The following CPA6 variants were observed in gnomAD, a reference collection of about 807,000 sequenced individuals.
CPA6 encodes carboxypeptidase A6.
In CPA6, 58 loss-of-function variants were observed where a neutral mutation model predicts 63.3. The observed-to-expected ratio is 0.92, with a 90% CI of 0.74 to 1.14. The LOEUF is 1.14. Among genes scored for constraint, CPA6 ranks in the 50% most tolerant of loss-of-function variants. CPA6 has a pLI of 0.00. For missense variants in CPA6, 565 were observed against 526.6 expected, an observed-to-expected ratio of 1.07 and a Z score of -0.71; for synonymous variants, 185 against 179.0, an observed-to-expected ratio of 1.03 and a Z score of -0.27.
At chr8:67,717,941 T>C (rs1817413678) in intron 1 of CPA6, among the ~76,000 whole-genome samples, 1 of 152,176 alleles carries the variant, frequency 6.6e-6, no homozygotes, top group South Asian at 2.1e-4. Context: ...TGTTGACACC[T>C]TGATTCTAGT....
chr8:67,430,165 GTGTGTGTATA>G (rs1160412277), intron 9 of CPA6, among the ~76,000 whole-genome samples: 1 of 138,560 alleles, frequency 7.2e-6, no homozygotes, highest in African/African-American at 3.1e-5. Flanking sequence ...GTGTGTGTGT[GTGTGTGTATA>G]TATTTTGTTT....
At chr8:67,601,109 A>G (rs1814486044) in intron 2 of CPA6, among the ~76,000 whole-genome samples, 1 of 152,220 alleles carries the variant, frequency 6.6e-6, no homozygotes, top group African/African-American at 2.4e-5. Flanking sequence ...CTCATTTGTA[A>G]TATCAGATGT....
intron 1 of CPA6, among the ~76,000 whole-genome samples, chr8:67,665,814 C>A (rs533317671): frequency 6.6e-6 from 1 of 152,316 alleles, no homozygotes; most frequent in East Asian, 1.9e-4. Context: ...CACTGACAAG[C>A]TACTTAACCT....
At chr8:67,463,477 G>GATAA (rs1446520597) in intron 8 of CPA6, among the ~76,000 whole-genome samples, 2 of 129,488 alleles carry the variant, frequency 1.5e-5, no homozygotes, top group Non-Finnish European at 3.0e-5. Flanking sequence ...TAAATAAATA[G>GATAA]ATAAATAAAA....
rs1249261686 is a variant in CPA6, at chr8:67,518,044, C to A, written c.196G>T (p.Asp66Tyr). Reference protein sequence around the residue: ...LKKISYQLKVDLWQPSSISYV... With the variant: ...LKKISYQLKVYLWQPSSISYV... ...GAGATACTGCTGGGCTGCCACAGGT[C>A]CACCTGTAGTGCAGGAACCAACCTA... The change falls in exon 3 of 11, where the codon GAC becomes TAC. Residue 66 changes from aspartate (D) to tyrosine (Y), a missense_variant. Physicochemically the swap from Asp to Tyr is radical, Grantham distance 160. Coordinates refer to ENST00000297770, the MANE Select transcript of CPA6 (RefSeq NM_020361.5). The A allele has an allele frequency of 1.9e-6, 3 of 1,591,136 alleles. No individual in the cohort carries two copies. The highest frequency in any genetic ancestry group is 2.6e-6 in the Non-Finnish European group (3 of 1,171,076).
intron 1 of CPA6, among the ~76,000 whole-genome samples, chr8:67,660,721 C>A (rs1816090816): frequency 6.6e-6 from 1 of 151,956 alleles, no homozygotes; most frequent in South Asian, 2.1e-4. Context: ...TGCCAAGCAG[C>A]CTTTGGTATT....
At chr8:67,662,634 C>T (rs931502059) in intron 1 of CPA6, among the ~76,000 whole-genome samples, 3 of 150,200 alleles carry the variant, frequency 2.0e-5, no homozygotes, top group Non-Finnish European at 4.4e-5. Flanking sequence ...AGAATACATA[C>T]ACACATGTAT....
At chr8:67,573,709 G>C (rs570784405) in intron 2 of CPA6, among the ~76,000 whole-genome samples, 1 of 151,578 alleles carries the variant, frequency 6.6e-6, no homozygotes, top group Non-Finnish European at 1.5e-5. Flanking sequence ...TGGCTAACAC[G>C]GTGAAACCCT....
intron 8 of CPA6, among the ~76,000 whole-genome samples, chr8:67,448,656 G>GAAAAAAAAAAAAAAAAAAAA (rs1810485855): frequency 5.8e-5 from 4 of 68,798 alleles, no homozygotes; most frequent in African/African-American, 2.7e-4. Context: ...AAAAAAAAAG[G>GAAAAAAAAAAAAAAAAAAAA]AAAGAACGAA....
chr8:67,433,968 A>G (rs1434408384), intron 9 of CPA6, 70 bp downstream of exon 9: 9 of 1,032,798 alleles, frequency 8.7e-6, no homozygotes, highest in Non-Finnish European at 1.1e-5. Context: ...TATCATTAGT[A>G]CTTAGAACCA....
At chr8:67,475,866 T>TCTC (rs1563967844) in intron 8 of CPA6, among the ~76,000 whole-genome samples, 25 of 97,718 alleles carry the variant, frequency 2.6e-4, no homozygotes, top group South Asian at 7.2e-4. Context: ...TTTCTTTCTT[T>TCTC]CTTTCTTTCT....
intron 1 of CPA6, among the ~76,000 whole-genome samples, chr8:67,684,024 TATATATA>T (rs1176798671): frequency 7.2e-6 from 1 of 138,602 alleles, no homozygotes; most frequent in African/African-American, 2.8e-5. Flanking sequence ...TATATATATA[TATATATA>T]ATTTTTATTT....
At chr8:67,546,233 A>AT (rs1491552581) in intron 2 of CPA6, among the ~76,000 whole-genome samples, 1 of 152,222 alleles carries the variant, frequency 6.6e-6, no homozygotes, top group African/African-American at 2.4e-5. Flanking sequence ...GCCCCAGGCA[A>AT]TTGTAGGAAC....
intron 2 of CPA6, among the ~76,000 whole-genome samples, chr8:67,622,298 C>G (rs778170073): frequency 5.9e-5 from 9 of 152,192 alleles, no homozygotes; most frequent in Non-Finnish European, 1.3e-4. Context: ...TGCTTCTTTG[C>G]AATTAATAAG....
intron 1 of CPA6, among the ~76,000 whole-genome samples, chr8:67,633,660 G>A (rs1815396745): frequency 7.3e-6 from 1 of 136,506 alleles, no homozygotes; most frequent in Admixed American, 7.8e-5. Flanking sequence ...CAGCCTGGGC[G>A]ACAGAGCGAG....
At chr8:67,523,777 G>T (rs1033687114) in intron 2 of CPA6, among the ~76,000 whole-genome samples, 1 of 152,200 alleles carries the variant, frequency 6.6e-6, no homozygotes, top group Non-Finnish European at 1.5e-5. Flanking sequence ...ATGGGATGGG[G>T]CTCTCAGTGT....
At chr8:67,428,879 G>A (rs1457375469) in intron 9 of CPA6, among the ~76,000 whole-genome samples, 1 of 152,142 alleles carries the variant, frequency 6.6e-6, no homozygotes, top group Non-Finnish European at 1.5e-5. Flanking sequence ...CAATGTGCCT[G>A]TATACAACAG....
intron 1 of CPA6, among the ~76,000 whole-genome samples, chr8:67,745,222 G>A (rs1817985765): frequency 6.6e-6 from 1 of 152,126 alleles, no homozygotes; most frequent in African/African-American, 2.4e-5. Context: ...AAGTATTTAA[G>A]GTTTTTCCAG....
At chr8:67,597,002 T>C (rs1814356618) in intron 2 of CPA6, among the ~76,000 whole-genome samples, 1 of 152,206 alleles carries the variant, frequency 6.6e-6, no homozygotes, top group South Asian at 2.1e-4. Context: ...TTATTGGTGA[T>C]GTTAACTTTG....
Sources: allele counts gnomAD v4.1 joint callset (sites outside exome capture counted in the v4.1 genomes callset), GRCh38; gene constraint gnomAD v4.1.1; transcripts MANE v1.5; gene names NCBI Gene and HGNC (gene_info 2026-07-23, HGNC 2026-07-21).